The following MDM2 variants were observed in gnomAD, a reference collection of about 807,000 sequenced individuals.
MDM2 encodes E3 ubiquitin-protein ligase Mdm2.
A neutral mutation model predicts 64.3 loss-of-function variants in MDM2; 11 were observed. The observed-to-expected ratio is 0.17, with a 90% confidence interval of 0.11 to 0.28. The LOEUF (loss-of-function observed/expected upper bound fraction) is 0.28. Ranked by LOEUF, MDM2 falls within the 10% of genes least tolerant of loss-of-function variation. The pLI is 1.00. For synonymous variants in MDM2, 194 were observed against 192.9 expected (o/e 1.01, Z -0.05); for missense variants, 388 against 577.1 (o/e 0.67, Z 3.36).
rs563762756 is a variant in MDM2 at position 68,813,610 on chromosome 12, C to T, written c.156C>T (p.Asp52=). 1.2e-6 allele frequency: 2 copies of T among 1,612,846 alleles called. No individual in the cohort carries two copies. Among genetic ancestry groups the T allele is most frequent in the Non-Finnish European group, 1.7e-6 (2 of 1,179,182 alleles). ...TAAAGTCTGTTGGTGCACAAAAAGA[C>T]ACTTATACTATGAAAGAGGTAAGCT... ...KLLKSVGAQK[D]TYTMKEVLFY... The change falls in exon 3 of 11, where the codon GAC becomes GAT. Residue 52 remains aspartate, a synonymous_variant. Coordinates refer to ENST00000258149, the MANE Select transcript of MDM2 (RefSeq NM_002392.6).
intron 4 of MDM2, 154 bp downstream of exon 4, chr12:68,817,099 A>T: frequency 2.6e-6 from 2 of 767,988 alleles, no homozygotes; most frequent in South Asian, 2.1e-5. Context: ...ATTATTTGAG[A>T]ACCTGAGCTC....
Position 68,839,853 on chromosome 12 carries a change from A to C in MDM2, c.*4A>C. The C allele has an allele frequency of 6.2e-7, 1 of 1,612,856 alleles. No homozygotes were observed. The highest frequency in any genetic ancestry group is 8.5e-7 in the Non-Finnish European group (1 of 1,179,122). On this transcript the variant is annotated 3_prime_UTR_variant, in exon 11 of 11. Transcript: ENST00000258149. ...TGTGCTAACTTATTTCCCCTAGTTG[A>C]CCTGTCTATAAGAGAATTATATATT...
chr12:68,813,479 T>G, intron 2 of MDM2, 75 bp from the exon 3 acceptor site: 5 of 951,970 alleles, frequency 5.3e-6, no homozygotes, highest in Non-Finnish European at 8.3e-6. Context: ...TTGAACTTGA[T>G]GGATATGTTT....
At chr12:68,822,411 CT>C (rs910854520) in intron 5 of MDM2, among the ~76,000 whole-genome samples, 9 of 143,578 alleles carry the variant, frequency 6.3e-5, no homozygotes, top group African/African-American at 1.6e-4. Context: ...TTTTTATTTC[CT>C]TTTTTTTTAA....
chr12:68,828,717 C>A, intron 7 of MDM2, 54 bp from the exon 8 acceptor site: 1 of 1,548,938 alleles, frequency 6.5e-7, no homozygotes, highest in Non-Finnish European at 8.8e-7. Context: ...CTCAAAACAG[C>A]TCAATTTTCT....
intron 4 of MDM2, among the ~76,000 whole-genome samples, chr12:68,817,237 G>A (rs1008002215): frequency 2.0e-5 from 3 of 152,156 alleles, no homozygotes; most frequent in African/African-American, 7.2e-5. Flanking sequence ...TTCATGTGGA[G>A]GTTAAAGCTC....
At chr12:68,821,964 T>A (rs1475668229) in intron 5 of MDM2, among the ~76,000 whole-genome samples, 2 of 151,988 alleles carry the variant, frequency 1.3e-5, no homozygotes, top group Non-Finnish European at 1.5e-5. Flanking sequence ...CAAATGATCC[T>A]CCCCCTCAGC....
rs1327792892 is a variant in MDM2 at position 68,841,631 on chromosome 12, TTTAAAGTACCTTC to T, written c.*1785_*1797del. The T allele has an allele frequency of 1.6e-4, 34 of 210,134 alleles. No individual in the cohort carries two copies. Among genetic ancestry groups the T allele is most frequent in the African/African-American group, 7.5e-4 (33 of 44,108 alleles). 13.0% of individuals were successfully genotyped at this position (210,134 alleles called of 1,614,324 possible). ...AAGTTGAAAAACAACTCTAAGACAC[TTTAAAGTACCTTC>T]TTGGCCTGGGTTACATGGTTCCCAG... is the stretch of plus-strand genomic sequence containing the variant. On this transcript the variant is annotated 3_prime_UTR_variant, in exon 11 of 11. Transcript: ENST00000258149.
At chr12:68,813,477 G>A in intron 2 of MDM2, 77 bp from the exon 3 acceptor site, 1 of 946,066 alleles carries the variant, frequency 1.1e-6, no homozygotes. Context: ...TATTGAACTT[G>A]ATGGATATGT....
chr12:68,834,277 A>G (rs1883129823), intron 8 of MDM2, among the ~76,000 whole-genome samples: 1 of 152,162 alleles, frequency 6.6e-6, no homozygotes, highest in South Asian at 2.1e-4. Flanking sequence ...CCCCGTCTCC[A>G]CTAAAAACAT....
downstream of MDM2, chr12:68,850,477 A>G (rs750900474): frequency 6.6e-6 from 1 of 152,134 alleles, no homozygotes; most frequent in Non-Finnish European, 1.5e-5. Context: ...CTACTCAGCA[A>G]TGTCTCATTT....
chr12:68,820,237 A>G (rs1241464715), intron 4 of MDM2, 88 bp from the exon 5 acceptor site: 2 of 946,180 alleles, frequency 2.1e-6, no homozygotes, highest in Non-Finnish European at 3.3e-6. Flanking sequence ...CTAAGTATGT[A>G]TGTAGAAGTC....
intron 5 of MDM2, among the ~76,000 whole-genome samples, chr12:68,821,327 T>G (rs1843234804): frequency 6.6e-6 from 1 of 152,136 alleles, no homozygotes; most frequent in Non-Finnish European, 1.5e-5. Flanking sequence ...ATTACAGGTA[T>G]GAGCCACTGC....
Position 68,839,291 on chromosome 12 carries a change from T to G in MDM2, c.936T>G (p.Thr312=). 1 of 1,613,154 alleles carries G rather than the reference T, an allele frequency of 6.2e-7. No homozygotes were observed. Among genetic ancestry groups the G allele is most frequent in the East Asian group, 2.2e-5 (1 of 44,850 alleles). ...EISLADYWKC[T]SCNEMNPPLP... ...CATTGAAGGACTATTGGAAATGCACTTCATGCAATGAAATGAATCCCCCCC... is the reference window on the plus strand; with the variant it reads ...CATTGAAGGACTATTGGAAATGCACGTCATGCAATGAAATGAATCCCCCCC... The change falls in exon 11 of 11, where the codon ACT becomes ACG. Residue 312 remains threonine, a synonymous_variant. Transcript: ENST00000258149.
Position 68,820,460 on chromosome 12 carries a change from GATTCTCTTTAA to G in MDM2, c.358+88_358+98del, listed in dbSNP as rs2136129361. On this transcript the variant is annotated intron_variant, in intron 5 of 10. Transcript: ENST00000258149. The stretch of plus-strand genomic sequence containing the variant: ...TTATGTGCATATGTTTTATAATTGT[GATTCTCTTTAA>G]AAGTTGCTTTAATTAAATATTGTAA... 6.8e-6 allele frequency: 7 copies of G among 1,026,236 alleles called. No homozygotes were observed. In the South Asian group the frequency reaches 1.0e-4, roughly 15 times the overall value. 63.6% of individuals were successfully genotyped at this position (1,026,236 alleles called of 1,614,324 possible).
intron 7 of MDM2, among the ~76,000 whole-genome samples, chr12:68,827,304 G>T (rs375969530): frequency 6.8e-6 from 1 of 147,906 alleles, no homozygotes; most frequent in Non-Finnish European, 1.5e-5. Flanking sequence ...GGAGGTAAGA[G>T]TTTTTTTTTC....
Position 68,843,032 on chromosome 12 carries a change from G to C in MDM2, c.*3183G>C. Reference sequence around the variant, plus strand: ...CCTGGTAGAACAAGCTTTATTTTTCGAGCCTAGCAATGATCTAGAAGCAGA... The same window carrying C: ...CCTGGTAGAACAAGCTTTATTTTTCCAGCCTAGCAATGATCTAGAAGCAGA... On this transcript the variant is annotated 3_prime_UTR_variant, in exon 11 of 11. Transcript: ENST00000258149. The C allele has an allele frequency of 4.7e-6, 1 of 214,612 alleles. No individual in the cohort carries two copies. The highest frequency in any genetic ancestry group is 1.9e-4 in the South Asian group (1 of 5,336). The allele number at this position is 214,612 out of a possible 1,614,324, so 13.3% of individuals were successfully genotyped here. A position where few individuals can be genotyped will look rare whatever the true frequency, so the allele number is the denominator to read the frequency against.
chr12:68,822,104 G>A (rs566407895), intron 5 of MDM2, among the ~76,000 whole-genome samples: 3 of 152,168 alleles, frequency 2.0e-5, no homozygotes, highest in South Asian at 2.1e-4. Flanking sequence ...TTCTCACCTC[G>A]GCCTCCCAAA....
At chr12:68,810,277 T>C (rs1159916116) in intron 2 of MDM2, among the ~76,000 whole-genome samples, 1 of 148,238 alleles carries the variant, frequency 6.7e-6, no homozygotes, top group East Asian at 2.0e-4. Context: ...GCCATTTCAC[T>C]CCAGCCTGGG....
Sources: allele counts gnomAD v4.1 joint callset (sites outside exome capture counted in the v4.1 genomes callset), GRCh38; gene constraint gnomAD v4.1.1; transcripts MANE v1.5; gene names NCBI Gene and HGNC (gene_info 2026-07-23, HGNC 2026-07-21).